Variants in TTLL7 observed in about 807,000 individuals in gnomAD.
TTLL7 encodes the protein tubulin tyrosine ligase like 7, also known as tubulin polyglutamylase TTLL7.
Under a neutral mutation model 120.2 loss-of-function variants are expected in TTLL7, and 53 were observed. That is an observed-to-expected ratio of 0.44 (90% CI 0.35 to 0.55). TTLL7 has a LOEUF of 0.55. Ranked by LOEUF, TTLL7 falls within the 20% of genes least tolerant of loss-of-function variation. The pLI is 0.00. For synonymous variants in TTLL7, 353 were observed against 351.7 expected (o/e 1.00, Z -0.04); for missense variants, 803 against 1,054.7 (o/e 0.76, Z 3.31).
intron 1 of TTLL7, among the ~76,000 whole-genome samples, chr1:83,987,271 A>T (rs948934087): frequency 1.2e-4 from 18 of 151,942 alleles, no homozygotes; most frequent in African/African-American, 4.3e-4. Flanking sequence ...AAACAAAAAA[A>T]AATTAAAAAA....
Position 83,921,254 on chromosome 1 carries a change from T to A in TTLL7, c.1283A>T (p.Glu428Val), listed in dbSNP as rs1213490297. The A allele has an allele frequency of 6.2e-7, 1 of 1,612,280 alleles. No individual in the cohort carries two copies. The highest frequency in any genetic ancestry group is 1.1e-5 in the South Asian group (1 of 90,726). The stretch of plus-strand genomic sequence containing the variant: ...TTCTTAAAACTTTCATACCAACTCT[T>A]CTTTCCGCCTCTCCAACTGGTGTCT... ...QQRHQLERRK[E>V]ELKERLAQVR... Residue 428 changes from glutamate to valine, a missense_variant, in exon 11 of 21, where the codon GAA becomes GTA. Coordinates refer to ENST00000260505, the MANE Select transcript of TTLL7 (RefSeq NM_024686.6).
intron 10 of TTLL7, 51 bp downstream of exon 10, chr1:83,929,085 T>G: frequency 8.3e-7 from 1 of 1,203,068 alleles, no homozygotes; most frequent in Non-Finnish European, 1.2e-6. Context: ...AAATGATTAA[T>G]CTATGTCAAA....
intron 8 of TTLL7, among the ~76,000 whole-genome samples, chr1:83,934,667 T>C (rs898811848): frequency 6.6e-6 from 1 of 152,180 alleles, no homozygotes; most frequent in African/African-American, 2.4e-5. Context: ...TCATTTATTT[T>C]TGCTCAGAAG....
At chr1:83,951,171 A>G (rs1025876426) in intron 3 of TTLL7, among the ~76,000 whole-genome samples, 4 of 152,114 alleles carry the variant, frequency 2.6e-5, no homozygotes, top group Admixed American at 2.6e-4. Flanking sequence ...AACACAGTGA[A>G]ACCCCGTCCC....
chr1:83,936,734 T>G (rs2100830268), intron 8 of TTLL7, among the ~76,000 whole-genome samples: 1 of 145,694 alleles, frequency 6.9e-6, no homozygotes, highest in South Asian at 2.3e-4. Context: ...TTTTTAAAAT[T>G]TTTGAGTCCA....
At chr1:83,916,009 G>T (rs1373915028) in intron 14 of TTLL7, among the ~76,000 whole-genome samples, 1 of 152,290 alleles carries the variant, frequency 6.6e-6, no homozygotes, top group African/African-American at 2.4e-5. Flanking sequence ...TGGAGAGGAT[G>T]TGGAGAAATA....
Position 83,883,139 on chromosome 1 carries a change from G to T in TTLL7, c.2370-3C>A. ...TGAATATACTCTCCCAAGAGGATCT[G>T]TTGGCATGGAAACAGACATGATCTC... On this transcript the variant is annotated splice_polypyrimidine_tract_variant and splice_region_variant and intron_variant, in intron 19 of 20. Coordinates refer to ENST00000260505, the MANE Select transcript of TTLL7 (RefSeq NM_024686.6). 1.3e-6 allele frequency: 2 copies of T among 1,579,412 alleles called. No individual in the cohort carries two copies. The highest frequency in any genetic ancestry group is 1.7e-6 in the Non-Finnish European group (2 of 1,161,528).
chr1:83,882,876 T>C, intron 20 of TTLL7, 87 bp downstream of exon 20: 1 of 1,473,268 alleles, frequency 6.8e-7, no homozygotes, highest in African/African-American at 1.4e-5. Context: ...TCTAGTCACA[T>C]AAACAAAAAA....
At chr1:83,884,417 G>A (rs1401958546) in intron 19 of TTLL7, among the ~76,000 whole-genome samples, 1 of 149,874 alleles carries the variant, frequency 6.7e-6, no homozygotes, top group Non-Finnish European at 1.5e-5. Context: ...TTAAAAAAAT[G>A]CCTTAGAAAT....
rs374855272 is a variant in TTLL7 at position 83,911,317 on chromosome 1, T to G, written c.1634A>C (p.Lys545Thr). The G allele has an allele frequency of 3.7e-6, 6 of 1,613,842 alleles. No homozygotes were observed. The highest frequency in any genetic ancestry group is 5.1e-6 in the Non-Finnish European group (6 of 1,179,862). Residue 545 changes from lysine to threonine, a missense_variant, in exon 15 of 21, where the codon AAG becomes ACG. By Grantham distance (78) the Lys-to-Thr change is moderately conservative. Transcript: ENST00000260505. ...PESTEIMKRP[K>T]YCSSDSSYDS... ...ATAACTGCTGTCACTGCTGCAGTAC[T>G]TTGGTCTTTTCATTATCTCAGTACT...
intron 1 of TTLL7, among the ~76,000 whole-genome samples, chr1:83,993,582 GC>G (rs1653199613): frequency 6.6e-6 from 1 of 152,212 alleles, no homozygotes; most frequent in Non-Finnish European, 1.5e-5. Context: ...GAAAGAGCAA[GC>G]AATGTGGATG....
intron 14 of TTLL7, chr1:83,913,089 T>C (rs900337713): frequency 1.6e-4 from 25 of 152,292 alleles, no homozygotes; most frequent in Admixed American, 1.1e-3. Flanking sequence ...TTGTGTCTTA[T>C]ATGCACTTGG....
chr1:83,909,500 T>G (rs1657503047), intron 15 of TTLL7, among the ~76,000 whole-genome samples: 1 of 151,912 alleles, frequency 6.6e-6, no homozygotes, highest in African/African-American at 2.4e-5. Context: ...AAAACTCAAG[T>G]AGGATTTCTG....
intron 8 of TTLL7, among the ~76,000 whole-genome samples, chr1:83,937,526 G>A (rs371617307): frequency 6.6e-6 from 1 of 152,102 alleles, no homozygotes; most frequent in Admixed American, 6.6e-5. Context: ...TTTTGTACAG[G>A]TTTGTAGACT....
At chr1:83,978,555 A>G (rs544212258) in intron 1 of TTLL7, among the ~76,000 whole-genome samples, 2 of 152,350 alleles carry the variant, frequency 1.3e-5, no homozygotes, top group Admixed American at 1.3e-4. Context: ...AAAAACTACA[A>G]ATCTCAACCA....
In TTLL7 at chr1:83,940,011, T is replaced by C. The variant is rs190575906; in HGVS notation, c.724-1995A>G. On this transcript the variant is annotated intron_variant, in intron 7 of 20. Transcript: ENST00000260505. ...ATATTTTCATATCTCAACCTAGAAA[T>C]TCAATCATGAAATTCTAGAGATATA... Among the ~76,000 whole-genome samples, 684 of 152,228 alleles carry C rather than the reference T, an allele frequency of 4.5e-3. 10 individuals are homozygous for C. The highest frequency in any genetic ancestry group is 0.016 in the African/African-American group (653 of 41,540).
chr1:83,925,550 A>G (rs1022608804), intron 10 of TTLL7, among the ~76,000 whole-genome samples: 1 of 152,248 alleles, frequency 6.6e-6, no homozygotes, highest in South Asian at 2.1e-4. Flanking sequence ...AGAAGTTTTC[A>G]GCCTTGGAGA....
chr1:83,951,433 G>A (rs978061155), intron 3 of TTLL7, among the ~76,000 whole-genome samples: 1 of 151,924 alleles, frequency 6.6e-6, no homozygotes, highest in Non-Finnish European at 1.5e-5. Context: ...GAACATTCAG[G>A]TTATATATGA....
chr1:83,921,305 G>T lies in TTLL7; in HGVS notation c.1232C>A (p.Pro411Gln). ...YGQNSIKRLL[P>Q]GSSDWEQQRH... Reference sequence around the variant, plus strand: ...CTGCTGTTCCCAGTCTGAGGAGCCTGGTAAGAGCCTTTTAATTGAATTTTG... The same window carrying T: ...CTGCTGTTCCCAGTCTGAGGAGCCTTGTAAGAGCCTTTTAATTGAATTTTG... The change falls in exon 11 of 21, where the codon CCA (proline) becomes CAA (glutamine). Residue 411 changes from proline to glutamine, a missense_variant. Pro to Gln is a moderately conservative substitution (Grantham distance 76, BLOSUM62 -1). Coordinates refer to ENST00000260505, the MANE Select transcript of TTLL7 (RefSeq NM_024686.6). 1 of 1,613,180 alleles carries T rather than the reference G, an allele frequency of 6.2e-7. No individual in the cohort carries two copies.
Sources: allele counts gnomAD v4.1 joint callset (sites outside exome capture counted in the v4.1 genomes callset), GRCh38; gene constraint gnomAD v4.1.1; transcripts MANE v1.5; gene names NCBI Gene and HGNC (gene_info 2026-07-23, HGNC 2026-07-21).